The following TCF12 variants were observed in gnomAD, a reference collection of about 807,000 sequenced individuals.
TCF12 encodes the protein transcription factor 12.
Under a neutral mutation model 86.0 loss-of-function variants are expected in TCF12, and 45 were observed. The ratio of observed to expected loss-of-function variants is 0.52; its 90% confidence interval spans 0.41 to 0.67. The LOEUF (loss-of-function observed/expected upper bound fraction) is 0.67. Among genes scored for constraint, TCF12 ranks in the 30% least tolerant of loss-of-function variants. TCF12 has a pLI of 0.00. For synonymous variants in TCF12, 330 were observed against 299.6 expected (o/e 1.10, Z -1.05); for missense variants, 881 against 859.9 (o/e 1.02, Z -0.31).
chr15:57,224,762 T>A (rs2058788187), intron 8 of TCF12, among the ~76,000 whole-genome samples: 1 of 152,186 alleles, frequency 6.6e-6, no homozygotes, highest in South Asian at 2.1e-4. Context: ...TCAAGTTGTA[T>A]TTTTAACAGG....
At chr15:56,947,488 C>G (rs1489398538) in intron 3 of TCF12, among the ~76,000 whole-genome samples, 1 of 152,152 alleles carries the variant, frequency 6.6e-6, no homozygotes, top group Non-Finnish European at 1.5e-5. Flanking sequence ...TCAAAAATCC[C>G]TTTTCTTCTG....
At chr15:57,211,689 C>A (rs62022232) in intron 8 of TCF12, among the ~76,000 whole-genome samples, 1,833 of 152,294 alleles carry the variant, frequency 0.012, 17 homozygotes, top group Non-Finnish European at 0.017. Context: ...CATGGTGGCC[C>A]ATGCCTGTAA....
At position 57,105,925 on chromosome 15, in the gene TCF12, G is replaced by C. The variant is rs796243755; in HGVS notation, c.325+14034G>C. Among the ~76,000 whole-genome samples, 17 of 152,314 alleles carry C rather than the reference G, an allele frequency of 1.1e-4. 1 individual carries two copies. The highest frequency in any genetic ancestry group is 3.9e-4 in the African/African-American group (16 of 41,556). On this transcript the variant is annotated intron_variant, in intron 5 of 20. Transcript: ENST00000333725. ...TATAAGGGGTATTTAAAAAGTGGTT[G>C]ATTACTGTCAGCATAGGGATAAAAA...
intron 8 of TCF12, chr15:57,219,083 G>A: frequency 2.8e-6 from 3 of 1,056,032 alleles, no homozygotes; most frequent in Non-Finnish European, 3.4e-6. Context: ...TAGCAAGCTA[G>A]GTTTCTCTGC....
At chr15:57,094,541 A>G (rs1218495163) in intron 5 of TCF12, among the ~76,000 whole-genome samples, 1 of 152,206 alleles carries the variant, frequency 6.6e-6, no homozygotes, top group Non-Finnish European at 1.5e-5. Flanking sequence ...GTTACAGTGG[A>G]TAGACTGACT....
At chr15:57,051,529 G>T (rs1321538385) in intron 3 of TCF12, among the ~76,000 whole-genome samples, 2 of 151,554 alleles carry the variant, frequency 1.3e-5, no homozygotes, top group African/African-American at 4.9e-5. Flanking sequence ...TTGCTATGTT[G>T]CCCAGGCTGT....
At chr15:57,221,034 A>G (rs1440981072) in intron 8 of TCF12, among the ~76,000 whole-genome samples, 6 of 152,174 alleles carry the variant, frequency 3.9e-5, no homozygotes, top group South Asian at 2.1e-4. Context: ...AAAGTAGCCT[A>G]TGGCTACAAC....
At chr15:57,225,331 C>T (rs991663613) in intron 8 of TCF12, among the ~76,000 whole-genome samples, 8 of 147,128 alleles carry the variant, frequency 5.4e-5, no homozygotes, top group Non-Finnish European at 1.2e-4. Flanking sequence ...GCTCCGCCTC[C>T]CAGGTTCACA....
At chr15:57,060,316 C>G (rs905285592) in intron 3 of TCF12, among the ~76,000 whole-genome samples, 8 of 152,136 alleles carry the variant, frequency 5.3e-5, no homozygotes, top group African/African-American at 1.9e-4. Flanking sequence ...TAAGTTAAAA[C>G]AGCATGCTTT....
chr15:57,128,618 A>C (rs1307403244), intron 5 of TCF12, among the ~76,000 whole-genome samples: 1 of 152,192 alleles, frequency 6.6e-6, no homozygotes, highest in African/African-American at 2.4e-5. Context: ...AGAGTTGTGC[A>C]ACCATCACCA....
At chr15:57,125,208 A>G (rs1276768584) in intron 5 of TCF12, among the ~76,000 whole-genome samples, 2 of 152,290 alleles carry the variant, frequency 1.3e-5, no homozygotes, top group African/African-American at 4.8e-5. Flanking sequence ...TATGCAGGGA[A>G]ACCTAAGAAA....
At chr15:57,020,069 C>G (rs1172396403) in intron 3 of TCF12, among the ~76,000 whole-genome samples, 1 of 152,190 alleles carries the variant, frequency 6.6e-6, no homozygotes, top group South Asian at 2.1e-4. Context: ...AGACTTCTCT[C>G]TCACTGTCAT....
chr15:57,274,612 C>T (rs2061294709), intron 19 of TCF12, among the ~76,000 whole-genome samples: 1 of 152,142 alleles, frequency 6.6e-6, no homozygotes, highest in African/African-American at 2.4e-5. Context: ...TTGTGTCTGA[C>T]ACCCTTTGTC....
chr15:57,185,352 G>A (rs2056606067), intron 6 of TCF12, among the ~76,000 whole-genome samples: 1 of 152,176 alleles, frequency 6.6e-6, no homozygotes, highest in Non-Finnish European at 1.5e-5. Flanking sequence ...AGACATCATA[G>A]CAGAACTTAG....
At chr15:57,233,956 A>C in intron 11 of TCF12, 87 bp from the exon 12 acceptor site, 12 of 1,037,694 alleles carry the variant, frequency 1.2e-5, no homozygotes, top group Non-Finnish European at 1.4e-5. Context: ...AGATGATGAT[A>C]GAGAACACCC....
intron 4 of TCF12, among the ~76,000 whole-genome samples, chr15:57,070,724 T>C (rs1247142799): frequency 6.6e-6 from 1 of 152,162 alleles, no homozygotes; most frequent in Non-Finnish European, 1.5e-5. Context: ...AGTTTGTAGG[T>C]AGTGAGTTAG....
chr15:57,160,622 A>C (rs190262528), intron 5 of TCF12, among the ~76,000 whole-genome samples: 3 of 152,276 alleles, frequency 2.0e-5, no homozygotes, highest in East Asian at 3.9e-4. Flanking sequence ...TTGGTCATCC[A>C]GTAGGCTATA....
intron 3 of TCF12, among the ~76,000 whole-genome samples, chr15:56,957,460 A>G (rs945598284): frequency 6.6e-6 from 1 of 152,068 alleles, no homozygotes; most frequent in Non-Finnish European, 1.5e-5. Flanking sequence ...CATGCCTTCA[A>G]ATTTACTAGT....
intron 5 of TCF12, among the ~76,000 whole-genome samples, chr15:57,136,966 TTTTG>T (rs540074044): frequency 0.34 from 7,400 of 21,590 alleles, 2,527 homozygotes; most frequent in South Asian, 0.43. Flanking sequence ...CAGTTTTTTT[TTTTG>T]TTTTTTTTTT....
Sources: allele counts gnomAD v4.1 joint callset (sites outside exome capture counted in the v4.1 genomes callset), GRCh38; gene constraint gnomAD v4.1.1; transcripts MANE v1.5; gene names NCBI Gene and HGNC (gene_info 2026-07-23, HGNC 2026-07-21).